The following PDE8A variants were observed in gnomAD, a reference collection of about 807,000 sequenced individuals.
The protein encoded by PDE8A is phosphodiesterase 8A, also known as high affinity cAMP-specific and IBMX-insensitive 3',5'-cyclic phosphodiesterase 8A.
In PDE8A, 59 loss-of-function variants were observed where a neutral mutation model predicts 105.0. The observed-to-expected ratio is 0.56, with a 90% confidence interval of 0.46 to 0.70. The LOEUF is 0.70. Ranked by LOEUF, PDE8A falls within the 30% of genes least tolerant of loss-of-function variation. The pLI is 0.00. For missense variants in PDE8A, 1,014 were observed against 1,045.9 expected (o/e 0.97, Z 0.42); for synonymous variants, 355 against 371.9 (o/e 0.95, Z 0.52).
intron 1 of PDE8A, among the ~76,000 whole-genome samples, chr15:85,059,758 A>G (rs570806035): frequency 3.4e-4 from 52 of 152,290 alleles, no homozygotes; most frequent in African/African-American, 1.2e-3. Flanking sequence ...CATTCTGCCA[A>G]TCTCTGTCTT....
intron 1 of PDE8A, among the ~76,000 whole-genome samples, chr15:85,010,736 G>A (rs1436278507): frequency 6.6e-6 from 1 of 152,174 alleles, no homozygotes; most frequent in Non-Finnish European, 1.5e-5. Flanking sequence ...GGGTTAGTAG[G>A]AGGTTGGAGC....
intron 1 of PDE8A, among the ~76,000 whole-genome samples, chr15:84,990,243 G>A (rs901393165): frequency 1.3e-5 from 2 of 152,108 alleles, no homozygotes; most frequent in Non-Finnish European, 2.9e-5. Context: ...AATGTGAAAT[G>A]CCATAAAGTA....
At chr15:84,993,200 T>G (rs886724465) in intron 1 of PDE8A, among the ~76,000 whole-genome samples, 14 of 151,930 alleles carry the variant, frequency 9.2e-5, no homozygotes, top group South Asian at 2.1e-4. Flanking sequence ...TCCCAGCACT[T>G]TGGGAGGCCA....
chr15:85,104,581 T>A (rs1444341824), intron 11 of PDE8A, among the ~76,000 whole-genome samples: 1 of 151,926 alleles, frequency 6.6e-6, no homozygotes, highest in Non-Finnish European at 1.5e-5. Flanking sequence ...ATCAGTAGGA[T>A]TTGGGAACCA....
chr15:85,040,520 T>C (rs1474450484), intron 1 of PDE8A, among the ~76,000 whole-genome samples: 1 of 152,038 alleles, frequency 6.6e-6, no homozygotes, highest in Non-Finnish European at 1.5e-5. Flanking sequence ...TAGTTTTGTT[T>C]TTCTGTGTTC....
chr15:85,112,229 A>G (rs2082031045), intron 12 of PDE8A, among the ~76,000 whole-genome samples: 1 of 152,142 alleles, frequency 6.6e-6, no homozygotes, highest in African/African-American at 2.4e-5. Flanking sequence ...GTTTTGACCT[A>G]TCTGTACATT....
At chr15:84,993,183 C>CAT (rs1567218069) in intron 1 of PDE8A, among the ~76,000 whole-genome samples, 1 of 152,106 alleles carries the variant, frequency 6.6e-6, no homozygotes, top group African/African-American at 2.4e-5. Context: ...GTGGCTCATG[C>CAT]CTGTAATCCC....
intron 11 of PDE8A, among the ~76,000 whole-genome samples, chr15:85,100,574 A>C (rs2081845119): frequency 6.6e-6 from 1 of 152,238 alleles, no homozygotes; most frequent in Non-Finnish European, 1.5e-5. Context: ...GCCAGCCTGC[A>C]GGGAGGTAGC....
chr15:84,997,328 G>A (rs531599248), intron 1 of PDE8A, among the ~76,000 whole-genome samples: 4 of 151,904 alleles, frequency 2.6e-5, no homozygotes, highest in Admixed American at 2.0e-4. Flanking sequence ...TAAGTAGCTG[G>A]GACTGCAGGT....
At chr15:85,072,703 T>C (rs1265102591) in intron 3 of PDE8A, among the ~76,000 whole-genome samples, 1 of 150,860 alleles carries the variant, frequency 6.6e-6, no homozygotes, top group Non-Finnish European at 1.5e-5. Flanking sequence ...GACTGTCTCC[T>C]CTGCACATTT....
At chr15:85,009,412 A>C (rs546532619) in intron 1 of PDE8A, among the ~76,000 whole-genome samples, 2 of 152,334 alleles carry the variant, frequency 1.3e-5, no homozygotes, top group East Asian at 3.9e-4. Flanking sequence ...TATGACCTAG[A>C]AATAAGGATG....
In PDE8A at chr15:85,045,706, T is replaced by C. The variant is rs79651625; in HGVS notation, c.187-18664T>C. On this transcript the variant is annotated intron_variant, in intron 1 of 21. Coordinates refer to ENST00000394553, the MANE Select transcript of PDE8A (RefSeq NM_002605.3). ...CTCCTAGTATCTAGCACTGCACTTG[T>C]CTTACAGTAATAGGTGGTCCACAAG... 6.4e-3 allele frequency among the ~76,000 whole-genome samples: 973 copies of C among 152,304 alleles called. 3 individuals carry two copies. Among genetic ancestry groups the C allele is most frequent in the Non-Finnish European group, 0.011 (779 of 68,028 alleles).
intron 19 of PDE8A, among the ~76,000 whole-genome samples, chr15:85,124,453 C>A (rs66995431): frequency 6.6e-6 from 1 of 152,124 alleles, no homozygotes; most frequent in Non-Finnish European, 1.5e-5. Context: ...CTCCCCAGCT[C>A]CTATCACCAT....
chr15:85,112,268 G>T (rs938734809), intron 12 of PDE8A, among the ~76,000 whole-genome samples: 1 of 151,964 alleles, frequency 6.6e-6, no homozygotes, highest in Admixed American at 6.6e-5. Context: ...GCTAATTAAC[G>T]TGTATTACCT....
rs192623178 is a variant in PDE8A at position 85,012,741 on chromosome 15, A to T, written c.186+30393A>T. Among the ~76,000 whole-genome samples, 34 of 152,284 alleles carry T rather than the reference A, an allele frequency of 2.2e-4. No individual in the cohort carries two copies. The East Asian group carries it at 6.6e-3, about 29-fold the overall frequency. ...AAAAGAAGAAAATAATGGTTTTAAC[A>T]TACAGTATTGTTAGACTCCGAAAAG... is the stretch of plus-strand genomic sequence containing the variant. On this transcript the variant is annotated intron_variant, in intron 1 of 21. Transcript: ENST00000394553.
chr15:84,984,580 C>T (rs941935969), intron 1 of PDE8A, among the ~76,000 whole-genome samples: 2 of 152,176 alleles, frequency 1.3e-5, no homozygotes, highest in East Asian at 3.8e-4. Context: ...TATAGTCCTA[C>T]AGCATTTAGT....
chr15:85,054,142 C>T (rs537384833), intron 1 of PDE8A, among the ~76,000 whole-genome samples: 4 of 152,150 alleles, frequency 2.6e-5, no homozygotes, highest in Admixed American at 2.6e-4. Context: ...GTATGTTGAA[C>T]CAGTCTTGCA....
At chr15:85,022,759 G>A (rs1244049105) in intron 1 of PDE8A, among the ~76,000 whole-genome samples, 1 of 151,860 alleles carries the variant, frequency 6.6e-6, no homozygotes, top group Non-Finnish European at 1.5e-5. Context: ...CACCATGTTG[G>A]CCAGGCTAGT....
chr15:84,993,210 A>G lies in PDE8A; in HGVS notation c.186+10862A>G, dbSNP rs181782807. 3.4e-3 allele frequency among the ~76,000 whole-genome samples: 510 copies of G among 151,592 alleles called. 3 individuals carry two copies. The highest frequency in any genetic ancestry group is 0.016 in the South Asian group (77 of 4,786). On this transcript the variant is annotated intron_variant, in intron 1 of 21. Coordinates refer to ENST00000394553, the MANE Select transcript of PDE8A (RefSeq NM_002605.3). Reference sequence around the variant, plus strand: ...TGTAATCCCAGCACTTTGGGAGGCCAAGGCGGGCGGATCACAAGGTCAGGA... The same window carrying G: ...TGTAATCCCAGCACTTTGGGAGGCCGAGGCGGGCGGATCACAAGGTCAGGA...
Sources: allele counts gnomAD v4.1 joint callset (sites outside exome capture counted in the v4.1 genomes callset), GRCh38; gene constraint gnomAD v4.1.1; transcripts MANE v1.5; gene names NCBI Gene and HGNC (gene_info 2026-07-23, HGNC 2026-07-21).